The following DOK6 variants were observed in gnomAD, a reference collection of about 807,000 sequenced individuals.
DOK6 encodes the protein docking protein 6.
DOK6 carries 22 observed loss-of-function variants against 44.0 expected under a neutral mutation model. That is an observed-to-expected ratio of 0.50 (90% CI 0.36 to 0.71). DOK6 has a LOEUF of 0.71. Ranked by LOEUF, DOK6 falls within the 30% of genes least tolerant of loss-of-function variation. DOK6 has a pLI of 0.00. For missense variants in DOK6, 340 were observed against 416.4 expected (o/e 0.82, Z 1.60); for synonymous variants, 166 against 145.5 (o/e 1.14, Z -1.01).
At chr18:69,685,113 C>T (rs1010042331) in intron 4 of DOK6, among the ~76,000 whole-genome samples, 4 of 152,086 alleles carry the variant, frequency 2.6e-5, no homozygotes, top group Admixed American at 2.0e-4. Context: ...AGTGAGTCCT[C>T]ATTTGACAGA....
chr18:69,740,084 T>TA (rs1978750219), intron 6 of DOK6, among the ~76,000 whole-genome samples: 1 of 152,094 alleles, frequency 6.6e-6, no homozygotes, highest in Admixed American at 6.5e-5. Flanking sequence ...GGGGTACGGT[T>TA]AAAAAAGAGC....
intron 1 of DOK6, among the ~76,000 whole-genome samples, chr18:69,554,375 T>G (rs891256898): frequency 1.3e-5 from 2 of 152,222 alleles, no homozygotes; most frequent in African/African-American, 2.4e-5. Context: ...CATGCATCTT[T>G]GAACAGTGTA....
chr18:69,848,710 C>T lies in DOK6; in HGVS notation c.*7327C>T, dbSNP rs796192935. 4 of 152,258 alleles carry T rather than the reference C, an allele frequency of 2.6e-5. No individual in the cohort carries two copies. The highest frequency in any genetic ancestry group is 9.6e-5 in the African/African-American group (4 of 41,546). 9.4% of individuals were successfully genotyped at this position (152,258 alleles called of 1,614,324 possible). ...TTAATCTTAACCATCAATAAATAAA[C>T]CTATTGTTAACAATGTCTTATTCAT... On this transcript the variant is annotated 3_prime_UTR_variant, in exon 8 of 8. Transcript: ENST00000382713.
intron 1 of DOK6, among the ~76,000 whole-genome samples, chr18:69,447,740 T>G (rs904029026): frequency 1.3e-5 from 2 of 152,244 alleles, no homozygotes; most frequent in Non-Finnish European, 2.9e-5. Flanking sequence ...TTTTCTGCTT[T>G]TAACAGAGTA....
At position 69,775,449 on chromosome 18, in the gene DOK6, A is replaced by G. The variant is rs562493606; in HGVS notation, c.856+17576A>G. 7.9e-5 allele frequency among the ~76,000 whole-genome samples: 12 copies of G among 152,064 alleles called. No individual in the cohort carries two copies. In the South Asian group the frequency reaches 2.3e-3, roughly 29 times the overall value. Reference sequence around the variant, plus strand: ...GTTGATAGCAGTAACAAGAAATGGAAGGTAATAAAAAGAGAAGTATGGATA... The same window carrying G: ...GTTGATAGCAGTAACAAGAAATGGAGGGTAATAAAAAGAGAAGTATGGATA... On this transcript the variant is annotated intron_variant, in intron 7 of 7. Coordinates refer to ENST00000382713, the MANE Select transcript of DOK6 (RefSeq NM_152721.6).
intron 3 of DOK6, among the ~76,000 whole-genome samples, chr18:69,600,393 C>T (rs991008359): frequency 6.6e-6 from 1 of 152,138 alleles, no homozygotes; most frequent in Non-Finnish European, 1.5e-5. Flanking sequence ...AATTTATCTC[C>T]GTGTTCCTCT....
chr18:69,819,489 G>T (rs1981504312), intron 7 of DOK6, among the ~76,000 whole-genome samples: 1 of 152,064 alleles, frequency 6.6e-6, no homozygotes. Context: ...AATTTAATAG[G>T]ATTTCAGGCC....
intron 1 of DOK6, among the ~76,000 whole-genome samples, chr18:69,550,748 T>G (rs1982540767): frequency 6.6e-6 from 1 of 150,874 alleles, no homozygotes; most frequent in Non-Finnish European, 1.5e-5. Flanking sequence ...AGTTTTTTTA[T>G]TTGTTTGTTT....
At chr18:69,706,647 G>T (rs1409609159) in intron 5 of DOK6, among the ~76,000 whole-genome samples, 1 of 148,280 alleles carries the variant, frequency 6.7e-6, no homozygotes, top group Admixed American at 6.7e-5. Context: ...TTAGCATTAG[G>T]TATATCTCCT....
intron 4 of DOK6, among the ~76,000 whole-genome samples, chr18:69,681,444 T>C (rs1986041998): frequency 6.6e-6 from 1 of 152,228 alleles, no homozygotes; most frequent in Admixed American, 6.5e-5. Context: ...TCCTTTGCTG[T>C]AATCATCTTT....
chr18:69,505,464 G>T (rs1981156237), intron 1 of DOK6, among the ~76,000 whole-genome samples: 1 of 149,782 alleles, frequency 6.7e-6, no homozygotes, highest in African/African-American at 2.5e-5. Context: ...ATGTAGAACT[G>T]GATTCTAGTC....
chr18:69,815,809 A>G (rs1259215266), intron 7 of DOK6, among the ~76,000 whole-genome samples: 1 of 152,174 alleles, frequency 6.6e-6, no homozygotes, highest in Non-Finnish European at 1.5e-5. Flanking sequence ...ATGTATATAT[A>G]CAAACATATA....
chr18:69,584,508 T>C (rs1486480825), intron 2 of DOK6, among the ~76,000 whole-genome samples: 1 of 152,172 alleles, frequency 6.6e-6, no homozygotes, highest in Middle Eastern at 3.2e-3. Context: ...GCCAGGCTGG[T>C]CTTGAACTCC....
chr18:69,448,881 C>A (rs1411045501), intron 1 of DOK6, among the ~76,000 whole-genome samples: 1 of 152,052 alleles, frequency 6.6e-6, no homozygotes, highest in Non-Finnish European at 1.5e-5. Flanking sequence ...TCAGATGTGG[C>A]AATATATTTC....
intron 2 of DOK6, among the ~76,000 whole-genome samples, chr18:69,582,783 T>C (rs1599204832): frequency 6.6e-6 from 1 of 152,348 alleles, no homozygotes; most frequent in East Asian, 1.9e-4. Flanking sequence ...ACTGCATTGT[T>C]AACTCATGTA....
At chr18:69,723,385 C>T (rs953647102) in intron 5 of DOK6, among the ~76,000 whole-genome samples, 1 of 152,200 alleles carries the variant, frequency 6.6e-6, no homozygotes, top group Non-Finnish European at 1.5e-5. Context: ...AAAGCACAGG[C>T]AGATTTCCTC....
In DOK6 at chr18:69,763,130, A is replaced by T. The variant is rs1979615695; in HGVS notation, c.856+5257A>T. Reference sequence around the variant, plus strand: ...CCCCATTGTATTCTAGTAGTCTGGAATCAAAAGAGTGAAAAAGGGAATAAT... The same window carrying T: ...CCCCATTGTATTCTAGTAGTCTGGATTCAAAAGAGTGAAAAAGGGAATAAT... On this transcript the variant is annotated intron_variant, in intron 7 of 7. Coordinates refer to ENST00000382713, the MANE Select transcript of DOK6 (RefSeq NM_152721.6). 2.6e-5 allele frequency among the ~76,000 whole-genome samples: 4 copies of T among 152,308 alleles called. No homozygotes were observed. In the Middle Eastern group the frequency reaches 0.014, roughly 518 times the overall value.
intron 7 of DOK6, among the ~76,000 whole-genome samples, chr18:69,821,713 A>G (rs1250876830): frequency 6.6e-6 from 1 of 152,010 alleles, no homozygotes; most frequent in Admixed American, 6.6e-5. Context: ...CGGTCCTAAA[A>G]TAATTTTTCC....
chr18:69,537,378 C>G (rs376044944), intron 1 of DOK6, among the ~76,000 whole-genome samples: 5 of 152,106 alleles, frequency 3.3e-5, no homozygotes, highest in African/African-American at 1.2e-4. Flanking sequence ...CTGAGAATAT[C>G]ATTATCACGG....
Sources: allele counts gnomAD v4.1 joint callset (sites outside exome capture counted in the v4.1 genomes callset), GRCh38; gene constraint gnomAD v4.1.1; transcripts MANE v1.5; gene names NCBI Gene and HGNC (gene_info 2026-07-23, HGNC 2026-07-21).